The following IQGAP2 variants were observed in gnomAD, a reference collection of about 807,000 sequenced individuals.
IQGAP2 encodes the protein ras GTPase-activating-like protein IQGAP2.
Under a neutral mutation model 201.3 loss-of-function variants are expected in IQGAP2, and 173 were observed. The ratio of observed to expected loss-of-function variants is 0.86; its 90% confidence interval spans 0.76 to 0.98. The LOEUF (loss-of-function observed/expected upper bound fraction) is 0.98. IQGAP2 is among the 50% of genes least tolerant of loss of function. IQGAP2 has a pLI of 0.00. For missense variants in IQGAP2, 1,687 were observed against 1,864.8 expected, an observed-to-expected ratio of 0.90 and a Z score of 1.76; for synonymous variants, 675 against 673.9, an observed-to-expected ratio of 1.00 and a Z score of -0.03.
intron 2 of IQGAP2, among the ~76,000 whole-genome samples, chr5:76,550,775 T>C (rs1268072346): frequency 1.3e-5 from 2 of 152,246 alleles, no homozygotes; most frequent in Admixed American, 6.5e-5. Flanking sequence ...ACAGTAACAA[T>C]CTGATCTCTC....
intron 22 of IQGAP2, among the ~76,000 whole-genome samples, chr5:76,667,641 G>A (rs1054488444): frequency 1.3e-5 from 2 of 152,018 alleles, no homozygotes; most frequent in African/African-American, 4.8e-5. Context: ...GTTGTTTTTT[G>A]CTCATGGTCT....
intron 5 of IQGAP2, among the ~76,000 whole-genome samples, chr5:76,578,167 C>T (rs962585541): frequency 2.0e-5 from 3 of 152,126 alleles, no homozygotes. Context: ...TATTTCTGAT[C>T]CCAGTCTCGT....
At chr5:76,463,363 C>A (rs913472003) in intron 2 of IQGAP2, among the ~76,000 whole-genome samples, 25 of 152,114 alleles carry the variant, frequency 1.6e-4, no homozygotes, top group African/African-American at 5.1e-4. Context: ...CTTACACAAG[C>A]AGCTTGACCT....
chr5:76,460,553 A>T (rs1580240856), intron 1 of IQGAP2, among the ~76,000 whole-genome samples: 2 of 142,182 alleles, frequency 1.4e-5, no homozygotes. Flanking sequence ...CTGTTCTGAG[A>T]GTTTTATGGG....
intron 23 of IQGAP2, among the ~76,000 whole-genome samples, chr5:76,669,972 G>A (rs192703706): frequency 5.5e-4 from 84 of 152,132 alleles, no homozygotes; most frequent in Admixed American, 1.2e-3. Flanking sequence ...ACAGGTACCC[G>A]CCACCACGCC....
intron 1 of IQGAP2, among the ~76,000 whole-genome samples, chr5:76,409,073 G>T (rs1314215626): frequency 4.0e-5 from 6 of 151,610 alleles, no homozygotes; most frequent in Non-Finnish European, 5.9e-5. Context: ...GATTACAGGT[G>T]TGAGCCACCA....
At chr5:76,624,800 A>G (rs1750067280) in intron 13 of IQGAP2, among the ~76,000 whole-genome samples, 1 of 152,292 alleles carries the variant, frequency 6.6e-6, no homozygotes, top group African/African-American at 2.4e-5. Flanking sequence ...TTGGCTGGGC[A>G]CAGTGGCTCA....
At chr5:76,570,242 T>C (rs1321488206) in intron 3 of IQGAP2, among the ~76,000 whole-genome samples, 1 of 152,250 alleles carries the variant, frequency 6.6e-6, no homozygotes, top group Non-Finnish European at 1.5e-5. Context: ...CTGGACACCA[T>C]GCATGTGTGT....
rs1610959 is a variant in IQGAP2 at position 76,708,115 on chromosome 5, GTTAC to G, written c.*806_*809del. 74,650 of 152,204 alleles carry G rather than the reference GTTAC, an allele frequency of 0.49. 19,069 individuals are homozygous for G. Among genetic ancestry groups the G allele is most frequent in the African/African-American group, 0.64 (26,673 of 41,368 alleles). The allele number at this position is 152,204 out of a possible 1,614,324, so 9.4% of individuals were successfully genotyped here. A position where few individuals can be genotyped will look rare whatever the true frequency, so the allele number is the denominator to read the frequency against. On this transcript the variant is annotated 3_prime_UTR_variant, in exon 36 of 36. Coordinates refer to ENST00000274364, the MANE Select transcript of IQGAP2 (RefSeq NM_006633.5). ...GGAAATTGTTTTATGTAAAATAAATGTTACTTAATTCCATTAATTTGGCTTTTAA... is the reference window on the plus strand; with the variant it reads ...GGAAATTGTTTTATGTAAAATAAATGTTAATTCCATTAATTTGGCTTTTAA...
intron 10 of IQGAP2, among the ~76,000 whole-genome samples, chr5:76,599,570 C>T (rs754986830): frequency 6.6e-6 from 1 of 152,068 alleles, no homozygotes; most frequent in South Asian, 2.1e-4. Context: ...GTATGTTAAA[C>T]TTGTATTTAA....
intron 2 of IQGAP2, among the ~76,000 whole-genome samples, chr5:76,501,181 A>C (rs550358863): frequency 6.6e-6 from 1 of 152,366 alleles, no homozygotes; most frequent in South Asian, 2.1e-4. Context: ...AACAAGAATA[A>C]CACATGACTA....
chr5:76,646,041 T>C (rs1245388184), intron 17 of IQGAP2, among the ~76,000 whole-genome samples: 1 of 152,212 alleles, frequency 6.6e-6, no homozygotes, highest in Non-Finnish European at 1.5e-5. Flanking sequence ...CCTTTCAGTA[T>C]GGACTAAGGA....
chr5:76,419,159 A>T (rs1751577154), intron 1 of IQGAP2, among the ~76,000 whole-genome samples: 1 of 151,908 alleles, frequency 6.6e-6, no homozygotes, highest in Non-Finnish European at 1.5e-5. Context: ...TATTTATTTG[A>T]CGGGGTCTGG....
intron 2 of IQGAP2, among the ~76,000 whole-genome samples, chr5:76,553,574 T>C (rs1030997240): frequency 6.6e-6 from 1 of 152,162 alleles, no homozygotes; most frequent in African/African-American, 2.4e-5. Context: ...ATAGAAAGGA[T>C]TGTTTGCTTC....
Position 76,637,150 on chromosome 5 carries a change from T to A in IQGAP2, c.1897T>A (p.Ser633Thr). The A allele has an allele frequency of 6.2e-7, 1 of 1,608,674 alleles. No homozygotes were observed. Among genetic ancestry groups the A allele is most frequent in the Admixed American group, 1.7e-5 (1 of 59,172 alleles). Residue 633 changes from serine to threonine, a missense_variant, in exon 16 of 36, where the codon TCA becomes ACA. Ser to Thr is a moderately conservative substitution (Grantham distance 58). Coordinates refer to ENST00000274364, the MANE Select transcript of IQGAP2 (RefSeq NM_006633.5). ...VTPESCLYKE[S>T]WLTGKEIEDI... is the part of the protein sequence containing the mutation. Reference sequence around the variant, plus strand: ...ACCTGAATCATGCTTGTATAAAGAATCATGGCTCACAGGAAAAGAAATCGA... The same window carrying A: ...ACCTGAATCATGCTTGTATAAAGAAACATGGCTCACAGGAAAAGAAATCGA...
At chr5:76,434,473 C>T (rs1331065582) in intron 1 of IQGAP2, among the ~76,000 whole-genome samples, 1 of 152,140 alleles carries the variant, frequency 6.6e-6, no homozygotes. Context: ...AGTTACTTCA[C>T]TTAGAACAAT....
intron 16 of IQGAP2, 36 bp downstream of exon 16, chr5:76,637,212 A>G (rs750713817): frequency 6.6e-7 from 1 of 1,505,316 alleles, no homozygotes; most frequent in South Asian, 1.3e-5. Context: ...ACTCTACTGT[A>G]TAAAGTTAAA....
intron 30 of IQGAP2, among the ~76,000 whole-genome samples, chr5:76,692,121 T>G (rs1227693832): frequency 6.6e-6 from 1 of 152,186 alleles, no homozygotes; most frequent in Admixed American, 6.5e-5. Flanking sequence ...TGTGTTTCCT[T>G]TTCTTCTTTC....
chr5:76,439,112 C>A (rs1454352689), intron 1 of IQGAP2, among the ~76,000 whole-genome samples: 1 of 151,258 alleles, frequency 6.6e-6, no homozygotes, highest in East Asian at 1.9e-4. Context: ...TCATTGTTAA[C>A]CTAAAAATCA....
Sources: allele counts gnomAD v4.1 joint callset (sites outside exome capture counted in the v4.1 genomes callset), GRCh38; gene constraint gnomAD v4.1.1; transcripts MANE v1.5; gene names NCBI Gene and HGNC (gene_info 2026-07-23, HGNC 2026-07-21).